KLHL25: variants seen among roughly 807,000 people sequenced by gnomAD.
The protein encoded by KLHL25 is kelch-like protein 25.
KLHL25 carries 41 observed loss-of-function variants against 30.0 expected under a neutral mutation model. That is an observed-to-expected ratio of 1.37 (90% CI 1.07 to 1.78). KLHL25 has a LOEUF of 1.78. KLHL25 is among the 40% of genes most tolerant of loss of function. The pLI is 0.00. For synonymous variants in KLHL25, 399 were observed against 355.3 expected (o/e 1.12, Z -1.38); for missense variants, 971 against 824.5 (o/e 1.18, Z -2.18).
At position 85,768,637 on chromosome 15, in the gene KLHL25, CAT is replaced by C. The variant is rs771771227; in HGVS notation, c.1172_1173del (p.Tyr391CysfsTer75). ...HGSAELENCL[Y>X]VVGGHTSLAG... ...GCCAGGGATGTGTGTCCCCCCACCA[CAT>C]AGAGGCAGTTCTCCAGCTCAGCTGA... On this transcript the variant is annotated frameshift_variant, in exon 2 of 3. Coordinates refer to ENST00000337975, the MANE Select transcript of KLHL25 (RefSeq NM_022480.4). LOFTEE classifies it high-confidence loss of function. The C allele has an allele frequency of 9.9e-6, 16 of 1,612,996 alleles. No homozygotes were observed. The highest frequency in any genetic ancestry group is 4.5e-5 in the East Asian group (2 of 44,844).
rs1211827595 is a variant in KLHL25, at chr15:85,787,923, G to A, written c.-11+6843C>T. On this transcript the variant is annotated intron_variant, in intron 1 of 2. Transcript: ENST00000337975. ...TTTATAAAGGAAATCCTAGCTGGGC[G>A]TGGTGGCTTGCGCCTGTAATCCCAG... Among the ~76,000 whole-genome samples, 4 of 152,042 alleles carry A rather than the reference G, an allele frequency of 2.6e-5. 1 individual carries two copies. The highest frequency in any genetic ancestry group is 5.9e-5 in the Non-Finnish European group (4 of 67,972).
chr15:85,770,869 T>A (rs1000076838), intron 1 of KLHL25: 130 of 326,014 alleles, frequency 4.0e-4, no homozygotes, highest in South Asian at 3.2e-3. Flanking sequence ...ACTTGCTCAA[T>A]CTAGGGGAAT....
intron 1 of KLHL25, among the ~76,000 whole-genome samples, chr15:85,772,658 G>A (rs2089684547): frequency 6.6e-6 from 1 of 152,228 alleles, no homozygotes; most frequent in Non-Finnish European, 1.5e-5. Flanking sequence ...GTTATGGGCA[G>A]GACAAAGCAA....
At position 85,768,892 on chromosome 15, in the gene KLHL25, A is replaced by T. The variant is rs1339306593; in HGVS notation, c.919T>A (p.Cys307Ser). ...TGGTCCACCTGGTAGATCTTGTCAC[A>T]CATGAAGGTCTGGCCCCCCAGGATG... The part of the protein sequence containing the change: ...LLILGGQTFM[C>S]DKIYQVDHKA... The change falls in exon 2 of 3, where the codon TGT (cysteine) becomes AGT (serine). Residue 307 changes from cysteine (C) to serine (S), a missense_variant. By Grantham distance (112) the Cys-to-Ser change is moderately radical. Transcript: ENST00000337975. 1 of 1,613,328 alleles carries T rather than the reference A, an allele frequency of 6.2e-7. No individual in the cohort carries two copies. Among genetic ancestry groups the T allele is most frequent in the Non-Finnish European group, 8.5e-7 (1 of 1,180,026 alleles).
chr15:85,761,027 AG>A lies in KLHL25; in HGVS notation c.*25-17del, dbSNP rs1489681807. On this transcript the variant is annotated splice_polypyrimidine_tract_variant and intron_variant, in intron 2 of 2. Transcript: ENST00000337975. ...AGGCCGCGGTCTGTGGAGGGAGGAG[AG>A]GAAGAGAAAATCAATCAGTGGCCAC... The A allele has an allele frequency of 1.3e-4, 20 of 152,350 alleles. No homozygotes were observed. The allele number at this position is 152,350 out of a possible 1,614,324, so 9.4% of individuals were successfully genotyped here.
Position 85,768,664 on chromosome 15 carries a change from A to G in KLHL25, c.1147T>C (p.Ser383Pro). ...PMLIARFGHG[S>P]AELENCLYVV... ...TAGAGGCAGTTCTCCAGCTCAGCTG[A>G]GCCATGGCCAAAGCGGGCAATCAGC... Residue 383 changes from serine to proline, a missense_variant, in exon 2 of 3, where the codon TCA (serine) becomes CCA (proline). Ser to Pro is a moderately conservative substitution (Grantham distance 74). Coordinates refer to ENST00000337975, the MANE Select transcript of KLHL25 (RefSeq NM_022480.4). 1 of 1,613,198 alleles carries G rather than the reference A, an allele frequency of 6.2e-7. No homozygotes were observed. The highest frequency in any genetic ancestry group is 8.5e-7 in the Non-Finnish European group (1 of 1,179,528).
At chr15:85,765,636 G>A (rs59770379) in intron 2 of KLHL25, among the ~76,000 whole-genome samples, 18,406 of 53,924 alleles carry the variant, frequency 0.34, 2,325 homozygotes, top group African/African-American at 0.45. Context: ...AAAAAAAAAA[G>A]AAGAAGAAGA....
At chr15:85,787,576 C>G (rs538143284) in intron 1 of KLHL25, among the ~76,000 whole-genome samples, 2 of 152,280 alleles carry the variant, frequency 1.3e-5, no homozygotes, top group East Asian at 3.9e-4. Context: ...ATCACACTTG[C>G]TCAGAAAGAT....
At chr15:85,770,582 G>A (rs1337330579) in intron 1 of KLHL25, 2 of 532,122 alleles carry the variant, frequency 3.8e-6, no homozygotes, top group Non-Finnish European at 7.7e-6. Flanking sequence ...GCTGGGGCAA[G>A]TGATGGCTTG....
intron 1 of KLHL25, among the ~76,000 whole-genome samples, chr15:85,788,385 C>T (rs1006385602): frequency 1.3e-5 from 2 of 152,180 alleles, no homozygotes; most frequent in African/African-American, 4.8e-5. Context: ...CCTCCCTGTC[C>T]ACTTCCTCTG....
In KLHL25 at chr15:85,789,359, C is replaced by G. The variant is rs2089801448; in HGVS notation, c.-11+5407G>C. On this transcript the variant is annotated intron_variant, in intron 1 of 2. Transcript: ENST00000337975. This position sits in a 1 kb window ranked among gnomAD's most constrained non-coding sequence, Gnocchi z 4.1. ...GCAGGCTGGTGCTCAGTCGCCTCCT[C>G]CTGCCCTGCTGGGCTCCCTTGAGAT... 6.6e-6 allele frequency among the ~76,000 whole-genome samples: 1 copy of G among 151,788 alleles called. No individual in the cohort carries two copies. Among genetic ancestry groups the G allele is most frequent in the African/African-American group, 2.4e-5 (1 of 41,382 alleles).
intron 1 of KLHL25, among the ~76,000 whole-genome samples, chr15:85,783,419 T>C (rs560869355): frequency 1.5e-4 from 22 of 151,340 alleles, no homozygotes; most frequent in African/African-American, 4.6e-4. Flanking sequence ...AGGCCAGGAG[T>C]GATGGTTCAT....
chr15:85,771,634 T>C (rs1381426258), intron 1 of KLHL25, among the ~76,000 whole-genome samples: 2 of 152,176 alleles, frequency 1.3e-5, no homozygotes, highest in Admixed American at 6.5e-5. Context: ...AAGCTCCAGG[T>C]AGACTGTACA....
At chr15:85,781,889 G>A (rs184725879) in intron 1 of KLHL25, among the ~76,000 whole-genome samples, 64 of 152,178 alleles carry the variant, frequency 4.2e-4, no homozygotes, top group Admixed American at 3.7e-3. Flanking sequence ...TCTCCATCCC[G>A]TTTGTACTGT....
At position 85,789,051 on chromosome 15, in the gene KLHL25, T is replaced by C. The variant is rs1224762223; in HGVS notation, c.-11+5715A>G. On this transcript the variant is annotated intron_variant, in intron 1 of 2. Transcript: ENST00000337975. The surrounding 1 kb of genome is among the most constrained non-coding windows in gnomAD (Gnocchi z 4.1). ...GAGCACAGCTTCTCCTTATCTTAAT[T>C]AGGAAATTAATTCTGCTCAGCCTAG... Among the ~76,000 whole-genome samples the C allele has an allele frequency of 2.0e-5, 3 of 152,216 alleles. No homozygotes were observed. The highest frequency in any genetic ancestry group is 7.2e-5 in the African/African-American group (3 of 41,454).
At chr15:85,770,038 G>T (rs572796339) in intron 1 of KLHL25, among the ~76,000 whole-genome samples, 2 of 152,212 alleles carry the variant, frequency 1.3e-5, no homozygotes, top group African/African-American at 4.8e-5. Context: ...TTGTTCTCAG[G>T]GTATGAGCCA....
chr15:85,779,070 G>C (rs1597278457), intron 1 of KLHL25, among the ~76,000 whole-genome samples: 1 of 148,054 alleles, frequency 6.8e-6, no homozygotes. Context: ...TTTTTAAAGA[G>C]AAGCCATCTT....
rs193247029 is a variant in KLHL25 at position 85,789,450 on chromosome 15, G to A, written c.-11+5316C>T. Among the ~76,000 whole-genome samples the A allele has an allele frequency of 3.1e-3, 472 of 151,960 alleles. 14 individuals are homozygous for A. The highest frequency in any genetic ancestry group is 0.027 in the Admixed American group (405 of 15,246). Reference sequence around the variant, plus strand: ...GGCTGCAGTGCCATGGCGCGATCTCGGCTTACTGCAACTTCTGCCTCCGGG... The same window carrying A: ...GGCTGCAGTGCCATGGCGCGATCTCAGCTTACTGCAACTTCTGCCTCCGGG... On this transcript the variant is annotated intron_variant, in intron 1 of 2. Coordinates refer to ENST00000337975, the MANE Select transcript of KLHL25 (RefSeq NM_022480.4). This position sits in a 1 kb window ranked among gnomAD's most constrained non-coding sequence, Gnocchi z 4.1.
In KLHL25 at chr15:85,789,639, A is replaced by AG. The variant is rs913021516; in HGVS notation, c.-11+5126dup. Among the ~76,000 whole-genome samples, 21 of 152,146 alleles carry AG rather than the reference A, an allele frequency of 1.4e-4. No individual in the cohort carries two copies. Among genetic ancestry groups the AG allele is most frequent in the African/African-American group, 5.1e-4 (21 of 41,442 alleles). ...CTCTGTGCCCAAGGGACATCCCACC[A>AG]GGGAAGTCTCACCCTAGTCATTCCA... is the stretch of plus-strand genomic sequence containing the variant. On this transcript the variant is annotated intron_variant, in intron 1 of 2. Coordinates refer to ENST00000337975, the MANE Select transcript of KLHL25 (RefSeq NM_022480.4). The surrounding 1 kb of genome is among the most constrained non-coding windows in gnomAD (Gnocchi z 4.1).
Sources: allele counts gnomAD v4.1 joint callset (sites outside exome capture counted in the v4.1 genomes callset), GRCh38; gene constraint gnomAD v4.1.1; non-coding constraint Gnocchi (gnomAD v3.1); transcripts MANE v1.5; gene names NCBI Gene and HGNC (gene_info 2026-07-23, HGNC 2026-07-21).